The following CCSER2 variants were observed in gnomAD, a reference collection of about 807,000 sequenced individuals.
CCSER2 encodes the protein serine-rich coiled-coil domain-containing protein 2.
In CCSER2, 46 loss-of-function variants were observed where a neutral mutation model predicts 92.3. The ratio of observed to expected loss-of-function variants is 0.50; its 90% confidence interval spans 0.39 to 0.64. The LOEUF is 0.64. Among genes scored for constraint, CCSER2 ranks in the 30% least tolerant of loss-of-function variants. The pLI is 0.00. For synonymous variants in CCSER2, 433 were observed against 431.4 expected (o/e 1.00, Z -0.04); for missense variants, 1,244 against 1,238.9 (o/e 1.00, Z -0.06).
chr10:84,407,355 G>A (rs1842430977), intron 3 of CCSER2, among the ~76,000 whole-genome samples: 1 of 151,826 alleles, frequency 6.6e-6, no homozygotes, highest in African/African-American at 2.4e-5. Flanking sequence ...TCCATCATTT[G>A]TTTTATTTAC....
rs749153928 is a variant in CCSER2 at position 84,341,037 on chromosome 10, CTTTTTTTTTTT to C, written c.-40+12240_-40+12250del. Among the ~76,000 whole-genome samples, 5 of 115,146 alleles carry C rather than the reference CTTTTTTTTTTT, an allele frequency of 4.3e-5. No individual in the cohort carries two copies. In the South Asian group the frequency reaches 1.4e-3, roughly 32 times the overall value. 75.5% of individuals were successfully genotyped at this position (115,146 alleles called of 152,430 possible). ...CTCTCATGTACCACTCAATGTAACA[CTTTTTTTTTTT>C]TTTTTTTTTTGAGACAGTGTCTTGT... is the stretch of plus-strand genomic sequence containing the variant. On this transcript the variant is annotated intron_variant, in intron 1 of 9. Transcript: ENST00000372088.
intron 3 of CCSER2, among the ~76,000 whole-genome samples, chr10:84,408,160 T>TAA (rs55985683): frequency 6.7e-6 from 1 of 149,124 alleles, no homozygotes; most frequent in African/African-American, 2.5e-5. Context: ...TACAGAAAAG[T>TAA]AAAAAAAAAA....
chr10:84,486,246 T>G (rs1847802446), intron 9 of CCSER2, among the ~76,000 whole-genome samples: 1 of 152,252 alleles, frequency 6.6e-6, no homozygotes, highest in East Asian at 1.9e-4. Flanking sequence ...TATAATCCTT[T>G]GGGTATATAT....
chr10:84,354,723 C>T (rs980556759), intron 1 of CCSER2, among the ~76,000 whole-genome samples: 1 of 151,856 alleles, frequency 6.6e-6, no homozygotes, highest in African/African-American at 2.4e-5. Context: ...AGATTTTGCC[C>T]TTGCATTTCA....
chr10:84,498,250 T>C (rs1340050304), intron 9 of CCSER2, among the ~76,000 whole-genome samples: 1 of 152,208 alleles, frequency 6.6e-6, no homozygotes, highest in Non-Finnish European at 1.5e-5. Context: ...AAATATAGCC[T>C]TTGAACCAAA....
chr10:84,479,834 T>C (rs1847355432), intron 9 of CCSER2, among the ~76,000 whole-genome samples: 1 of 152,004 alleles, frequency 6.6e-6, no homozygotes, highest in Non-Finnish European at 1.5e-5. Context: ...TTTTGAATGG[T>C]TGCAGGAGGG....
chr10:84,340,151 A>T (rs925619135), intron 1 of CCSER2, among the ~76,000 whole-genome samples: 18 of 152,180 alleles, frequency 1.2e-4, no homozygotes, highest in Non-Finnish European at 1.0e-4. Flanking sequence ...CCATCACTTT[A>T]TCTTTTTAAG....
intron 3 of CCSER2, among the ~76,000 whole-genome samples, chr10:84,377,885 A>G (rs1846424186): frequency 6.6e-6 from 1 of 152,234 alleles, no homozygotes; most frequent in Admixed American, 6.5e-5. Context: ...TGTTGTATAT[A>G]CAAATATACC....
chr10:84,377,748 A>G (rs543436609), intron 3 of CCSER2, among the ~76,000 whole-genome samples: 2 of 152,330 alleles, frequency 1.3e-5, no homozygotes, highest in East Asian at 3.9e-4. Flanking sequence ...TGATGGAGAT[A>G]TAGTCCTCCA....
At chr10:84,401,770 G>A (rs529743562) in intron 3 of CCSER2, among the ~76,000 whole-genome samples, 17 of 152,096 alleles carry the variant, frequency 1.1e-4, no homozygotes, top group Non-Finnish European at 2.2e-4. Context: ...CATTAACATC[G>A]TAGTGCATGC....
At chr10:84,353,090 C>T (rs1387148670) in intron 1 of CCSER2, among the ~76,000 whole-genome samples, 1 of 152,230 alleles carries the variant, frequency 6.6e-6, no homozygotes, top group Non-Finnish European at 1.5e-5. Context: ...CCGCGCCCAG[C>T]CTAAGATACA....
intron 5 of CCSER2, among the ~76,000 whole-genome samples, chr10:84,436,492 C>T (rs1038796369): frequency 3.3e-5 from 5 of 150,858 alleles, no homozygotes; most frequent in African/African-American, 1.2e-4. Flanking sequence ...AAAATTAGCC[C>T]GGCGTGCTGG....
At chr10:84,367,410 T>C (rs1031167924) in intron 1 of CCSER2, among the ~76,000 whole-genome samples, 1 of 151,662 alleles carries the variant, frequency 6.6e-6, no homozygotes, top group Non-Finnish European at 1.5e-5. Context: ...AGGGTCTCAC[T>C]CTTTCAGCCA....
intron 9 of CCSER2, among the ~76,000 whole-genome samples, chr10:84,489,448 ATAGT>A (rs1243091342): frequency 3.3e-5 from 5 of 152,202 alleles, no homozygotes; most frequent in East Asian, 1.9e-4. Context: ...TATATTTAAA[ATAGT>A]TAGCTCTTCT....
intron 1 of CCSER2, among the ~76,000 whole-genome samples, chr10:84,347,088 A>G (rs962244512): frequency 2.0e-5 from 3 of 152,210 alleles, no homozygotes; most frequent in Middle Eastern, 3.2e-3. Context: ...CAGAGGGCAC[A>G]TGGTTGCGGG....
Position 84,491,237 on chromosome 10 carries a change from T to C in CCSER2, c.2325+13573T>C, listed in dbSNP as rs189231788. ...GTCCATTCTCAGATCTCAAACCCCA[T>C]GCTGGGAGAACCACTACTCTCTTCA... On this transcript the variant is annotated intron_variant, in intron 9 of 9. Coordinates refer to ENST00000372088, the MANE Select transcript of CCSER2 (RefSeq NM_001284240.2). 4.1e-4 allele frequency among the ~76,000 whole-genome samples: 62 copies of C among 152,180 alleles called. No individual in the cohort carries two copies. The East Asian group carries it at 9.1e-3, about 22-fold the overall frequency.
intron 1 of CCSER2, among the ~76,000 whole-genome samples, chr10:84,351,437 G>A (rs1362018554): frequency 6.6e-6 from 1 of 151,952 alleles, no homozygotes; most frequent in Non-Finnish European, 1.5e-5. Flanking sequence ...TCGTCCTGTT[G>A]GCCAGGCTGG....
At chr10:84,426,392 T>C (rs1843435231) in intron 5 of CCSER2, among the ~76,000 whole-genome samples, 1 of 152,206 alleles carries the variant, frequency 6.6e-6, no homozygotes, top group Non-Finnish European at 1.5e-5. Flanking sequence ...TCAGATCTTA[T>C]TTTGTAATGA....
At chr10:84,332,338 C>G (rs1222901636) in intron 1 of CCSER2, among the ~76,000 whole-genome samples, 1 of 147,424 alleles carries the variant, frequency 6.8e-6, no homozygotes, top group African/African-American at 2.5e-5. Flanking sequence ...ATATATTAAT[C>G]TCTTGAAAAA....
Sources: allele counts gnomAD v4.1 joint callset (sites outside exome capture counted in the v4.1 genomes callset), GRCh38; gene constraint gnomAD v4.1.1; transcripts MANE v1.5; gene names NCBI Gene and HGNC (gene_info 2026-07-23, HGNC 2026-07-21).